POLK: variants seen among roughly 807,000 people sequenced by gnomAD.
POLK encodes DNA polymerase kappa.
In POLK, 76 loss-of-function variants were observed where a neutral mutation model predicts 94.0. The observed-to-expected ratio is 0.81, with a 90% CI of 0.67 to 0.98. The LOEUF (loss-of-function observed/expected upper bound fraction) is 0.98. Among genes scored for constraint, POLK ranks in the 50% least tolerant of loss-of-function variants. The probability of loss-of-function intolerance (pLI) is 0.00; values close to 1 mark genes in which losing one functional copy is unlikely to be tolerated. For missense variants in POLK, 954 were observed against 1,010.1 expected (o/e 0.94, Z 0.75); for synonymous variants, 349 against 325.4 (o/e 1.07, Z -0.78).
intron 1 of POLK, among the ~76,000 whole-genome samples, chr5:75,544,641 C>CTGAA (rs61178645): frequency 0.14 from 20,832 of 151,436 alleles, 1,571 homozygotes; most frequent in East Asian, 0.19. Flanking sequence ...GACTTTGTCT[C>CTGAA]TGAATGAATG....
chr5:75,594,030 C>G, exon 12 of POLK: 1 of 1,608,410 alleles, frequency 6.2e-7, no homozygotes, highest in Non-Finnish European at 8.5e-7. Context: ...TTCCACATCC[C>G]TTGAGATTAA....
At chr5:75,585,402 G>A (rs1375813640) in intron 9 of POLK, among the ~76,000 whole-genome samples, 4 of 152,174 alleles carry the variant, frequency 2.6e-5, no homozygotes, top group Non-Finnish European at 2.9e-5. Flanking sequence ...TAACAGCAGC[G>A]AATAGGACAA....
At chr5:75,571,589 A>T (rs1347746188) in intron 4 of POLK, among the ~76,000 whole-genome samples, 3 of 152,324 alleles carry the variant, frequency 2.0e-5, no homozygotes, top group South Asian at 4.1e-4. Context: ...GGAGATTGGA[A>T]TGGATTCCAG....
chr5:75,563,690 C>G (rs1173707053), intron 3 of POLK, among the ~76,000 whole-genome samples: 1 of 152,140 alleles, frequency 6.6e-6, no homozygotes. Context: ...TGTTCAGTTT[C>G]CACGTAGTTG....
At chr5:75,528,778 T>C (rs1245921926) in intron 1 of POLK, among the ~76,000 whole-genome samples, 1 of 152,220 alleles carries the variant, frequency 6.6e-6, no homozygotes, top group Middle Eastern at 3.2e-3. Context: ...GCTGCCGCAC[T>C]CCAACCTGGG....
chr5:75,546,997 T>C lies in POLK; in HGVS notation c.-13-13T>C. On this transcript the variant is annotated splice_polypyrimidine_tract_variant and intron_variant, in intron 1 of 14. Coordinates refer to ENST00000241436, the Ensembl canonical transcript of POLK. ...TGGTTTTAAAAGCAGTGTTTATCTT[T>C]ATGCTTTTTCAGATAAGTTTATACC... 7.1e-7 allele frequency: 1 copy of C among 1,406,450 alleles called. No homozygotes were observed. The highest frequency in any genetic ancestry group is 9.6e-7 in the Non-Finnish European group (1 of 1,040,424). 87.1% of individuals were successfully genotyped at this position (1,406,450 alleles called of 1,614,324 possible).
At chr5:75,565,126 A>C (rs1771200129) in intron 3 of POLK, among the ~76,000 whole-genome samples, 1 of 152,026 alleles carries the variant, frequency 6.6e-6, no homozygotes, top group African/African-American at 2.4e-5. Flanking sequence ...TATTTCATTA[A>C]GTTGATCTTC....
At chr5:75,597,510 CTT>C (rs1773155562) in intron 13 of POLK, 1 of 412,194 alleles carries the variant, frequency 2.4e-6, no homozygotes, top group African/African-American at 2.1e-5. Context: ...TAGAAAGCCT[CTT>C]TAACTTATTT....
intron 3 of POLK, among the ~76,000 whole-genome samples, chr5:75,554,813 T>C (rs565174289): frequency 6.6e-6 from 1 of 152,322 alleles, no homozygotes; most frequent in East Asian, 1.9e-4. Context: ...TCTCCATCCA[T>C]GTCCCTGCAA....
chr5:75,516,825 A>G (rs1306826287), intron 1 of POLK, among the ~76,000 whole-genome samples: 1 of 152,208 alleles, frequency 6.6e-6, no homozygotes, highest in African/African-American at 2.4e-5. Context: ...GAGATAAGGA[A>G]GAAATATCTG....
intron 1 of POLK, among the ~76,000 whole-genome samples, chr5:75,513,706 A>G (rs1768183721): frequency 1.3e-5 from 2 of 152,200 alleles, no homozygotes; most frequent in Admixed American, 6.5e-5. Flanking sequence ...TTGTTAGAGT[A>G]GTTGGTATTT....
At chr5:75,591,868 C>T (rs1200281091) in intron 11 of POLK, among the ~76,000 whole-genome samples, 1 of 152,182 alleles carries the variant, frequency 6.6e-6, no homozygotes, top group Non-Finnish European at 1.5e-5. Flanking sequence ...AGGAAGTGTC[C>T]TTCTCATAAC....
upstream of POLK, chr5:75,511,396 G>A (rs1336996604): frequency 1.3e-6 from 2 of 1,545,912 alleles, no homozygotes; most frequent in East Asian, 2.4e-5. Flanking sequence ...CGAGCGGAGC[G>A]AGGAAGGAGG....
Position 75,573,995 on chromosome 5 carries a change from C to T in POLK, c.540+126C>T, listed in dbSNP as rs181094364. On this transcript the variant is annotated intron_variant, in intron 5 of 14. Transcript: ENST00000241436. ...TTATCCTTTCAGTTGAGCCTCCTATCACTTCTTCAGCTTGTATATTGAATA... is the reference window on the plus strand; with the variant it reads ...TTATCCTTTCAGTTGAGCCTCCTATTACTTCTTCAGCTTGTATATTGAATA... 2.1e-4 allele frequency: 165 copies of T among 785,872 alleles called. No individual in the cohort carries two copies. The African/African-American group carries it at 2.6e-3, about 13-fold the overall frequency. 48.7% of individuals were successfully genotyped at this position (785,872 alleles called of 1,614,324 possible). A position where few individuals can be genotyped will look rare whatever the true frequency, so the allele number is the denominator to read the frequency against.
intron 11 of POLK, 56 bp from the exon 12 acceptor site, chr5:75,593,822 A>G: frequency 9.0e-7 from 1 of 1,109,346 alleles, no homozygotes; most frequent in African/African-American, 1.6e-5. Context: ...CAGCATGGAC[A>G]ACAGAGAGAG....
At chr5:75,596,237 G>A (rs1369513783) in exon 13 of POLK, 17 of 1,587,628 alleles carry the variant, frequency 1.1e-5, no homozygotes, top group Non-Finnish European at 1.5e-5. Context: ...CGGATATCTA[G>A]TTTTCCCAAT....
At chr5:75,515,842 T>A (rs2112517731) in intron 1 of POLK, among the ~76,000 whole-genome samples, 1 of 152,320 alleles carries the variant, frequency 6.6e-6, no homozygotes, top group South Asian at 2.1e-4. Flanking sequence ...TCACTTGAGC[T>A]GCTCAGGAGT....
rs1772370714 is a variant in POLK at position 75,584,677 on chromosome 5, A to T, written c.1060-83A>T. 6 of 853,256 alleles carry T rather than the reference A, an allele frequency of 7.0e-6. 1 individual carries two copies. In the South Asian group the frequency reaches 1.2e-4, roughly 17 times the overall value. The allele number at this position is 853,256 out of a possible 1,614,324, so 52.9% of individuals were successfully genotyped here. A position where few individuals can be genotyped will look rare whatever the true frequency, so the allele number is the denominator to read the frequency against. On this transcript the variant is annotated intron_variant, in intron 8 of 14. Coordinates refer to ENST00000241436, the Ensembl canonical transcript of POLK. Reference sequence around the variant, plus strand: ...CAAGAGCGAGACTCCATCTCAAAAAAAAAAAAAGTGTAATGAGGTTGTAAT... The same window carrying T: ...CAAGAGCGAGACTCCATCTCAAAAATAAAAAAAGTGTAATGAGGTTGTAAT...
downstream of POLK, among the ~76,000 whole-genome samples, chr5:75,602,342 G>T (rs1045697171): frequency 1.3e-5 from 2 of 152,088 alleles, no homozygotes; most frequent in Non-Finnish European, 2.9e-5. Flanking sequence ...AAACTATCTC[G>T]TCAAACTAAC....
Sources: gnomAD v4.1 joint callset for allele counts (sites outside exome capture counted in the v4.1 genomes callset) on GRCh38, gnomAD v4.1.1 for gene constraint, MANE v1.5 for transcripts, NCBI Gene and HGNC (gene_info 2026-07-23, HGNC 2026-07-21) for gene names.